The following LUZP2 variants were observed in gnomAD, a reference collection of about 807,000 sequenced individuals.
LUZP2 encodes the protein leucine zipper protein 2.
A neutral mutation model predicts 51.6 loss-of-function variants in LUZP2; 52 were observed. That is an observed-to-expected ratio of 1.01 (90% CI 0.81 to 1.27). LUZP2 has a LOEUF of 1.27. LUZP2 is among the 50% of genes most tolerant of loss of function. The pLI, the probability that LUZP2 is intolerant of heterozygous loss-of-function variation, is 0.00. For synonymous variants in LUZP2, 154 were observed against 137.3 expected (o/e 1.12, Z -0.85); for missense variants, 436 against 395.4 (o/e 1.10, Z -0.87).
intron 9 of LUZP2, among the ~76,000 whole-genome samples, chr11:25,010,586 C>T (rs992513540): frequency 6.8e-6 from 1 of 146,612 alleles, no homozygotes; most frequent in Non-Finnish European, 1.5e-5. Flanking sequence ...GTGGCTCACA[C>T]GTGTAATCAC....
chr11:24,968,147 C>G (rs967025455), intron 7 of LUZP2, among the ~76,000 whole-genome samples: 2 of 152,066 alleles, frequency 1.3e-5, no homozygotes, highest in African/African-American at 4.8e-5. Context: ...GTGTCCCCAC[C>G]CCTCCCAAGT....
chr11:24,641,004 GATATAGATATA>G (rs2133945047), intron 1 of LUZP2, among the ~76,000 whole-genome samples: 1 of 100,242 alleles, frequency 1.0e-5, no homozygotes, highest in African/African-American at 4.6e-5. Context: ...TATAGATATA[GATATAGATATA>G]TATTTCACTT....
At chr11:24,577,823 G>A (rs1852706163) in intron 1 of LUZP2, among the ~76,000 whole-genome samples, 1 of 152,070 alleles carries the variant, frequency 6.6e-6, no homozygotes, top group South Asian at 2.1e-4. Context: ...TCATGGTCAT[G>A]CTGTGATTAT....
chr11:24,974,178 C>T (rs1173597322), intron 7 of LUZP2, among the ~76,000 whole-genome samples: 1 of 151,982 alleles, frequency 6.6e-6, no homozygotes, highest in African/African-American at 2.4e-5. Flanking sequence ...AAACTTTTAC[C>T]ATTATGTAAT....
intron 7 of LUZP2, among the ~76,000 whole-genome samples, chr11:24,962,410 C>T (rs1022023878): frequency 8.5e-5 from 13 of 152,298 alleles, no homozygotes; most frequent in Non-Finnish European, 1.3e-4. Context: ...ACCAATCAGA[C>T]GTAGATTTGG....
intron 7 of LUZP2, among the ~76,000 whole-genome samples, chr11:24,973,074 T>TTTA (rs1463503662): frequency 6.7e-5 from 10 of 149,728 alleles, no homozygotes; most frequent in Admixed American, 4.0e-4. Flanking sequence ...TTTTTTTTTT[T>TTTA]AAATTTTTGG....
At chr11:24,993,950 TC>T (rs367692323) in intron 9 of LUZP2, among the ~76,000 whole-genome samples, 6 of 152,100 alleles carry the variant, frequency 3.9e-5, no homozygotes, top group African/African-American at 1.4e-4. Context: ...AGCCTCCGCC[TC>T]CGGGGTTCAA....
At chr11:24,629,394 G>T (rs1236572917) in intron 1 of LUZP2, among the ~76,000 whole-genome samples, 1 of 150,920 alleles carries the variant, frequency 6.6e-6, no homozygotes, top group Non-Finnish European at 1.5e-5. Flanking sequence ...CATTTATATT[G>T]CTGTAAAATA....
At chr11:24,827,069 A>G (rs1850565477) in intron 5 of LUZP2, among the ~76,000 whole-genome samples, 1 of 130,094 alleles carries the variant, frequency 7.7e-6, no homozygotes, top group Non-Finnish European at 1.7e-5. Flanking sequence ...ATAAGGATAC[A>G]GCTATGCAAA....
intron 1 of LUZP2, among the ~76,000 whole-genome samples, chr11:24,624,193 A>G (rs1023416094): frequency 4.6e-5 from 7 of 152,236 alleles, no homozygotes; most frequent in Non-Finnish European, 2.9e-5. Context: ...TCACAATGCC[A>G]GAATTTCAGA....
chr11:24,831,160 G>A lies in LUZP2; in HGVS notation c.396+67852G>A, dbSNP rs753094029. Among the ~76,000 whole-genome samples the A allele has an allele frequency of 5.3e-5, 8 of 152,236 alleles. No individual in the cohort carries two copies. The East Asian group carries it at 7.7e-4, about 15-fold the overall frequency. Reference sequence around the variant, plus strand: ...GACTATCTAGCAGTTATCGTATTACGTTGACCTTGTTTATTTATCATCTCT... The same window carrying A: ...GACTATCTAGCAGTTATCGTATTACATTGACCTTGTTTATTTATCATCTCT... On this transcript the variant is annotated intron_variant, in intron 5 of 11. Coordinates refer to ENST00000336930, the MANE Select transcript of LUZP2 (RefSeq NM_001009909.4).
intron 1 of LUZP2, among the ~76,000 whole-genome samples, chr11:24,553,638 G>T (rs192360898): frequency 1.3e-5 from 2 of 152,140 alleles, no homozygotes; most frequent in East Asian, 1.9e-4. Flanking sequence ...AAATAGGACC[G>T]TTCTCTCTTC....
chr11:24,851,812 T>C (rs1454132758), intron 5 of LUZP2, among the ~76,000 whole-genome samples: 1 of 152,186 alleles, frequency 6.6e-6, no homozygotes, highest in Non-Finnish European at 1.5e-5. Flanking sequence ...ATTGGTCTAT[T>C]CAGGGATTTG....
intron 7 of LUZP2, among the ~76,000 whole-genome samples, chr11:24,925,730 T>A (rs1421406211): frequency 1.3e-5 from 2 of 152,018 alleles, no homozygotes; most frequent in Admixed American, 6.6e-5. Context: ...TTATTTTAAT[T>A]ATTTTTTTAA....
At chr11:25,063,336 CCAGCTGATATTGAGGGAT>C in intron 10 of LUZP2, among the ~76,000 whole-genome samples, 1 of 151,460 alleles carries the variant, frequency 6.6e-6, no homozygotes, top group Non-Finnish European at 1.5e-5. Context: ...GAAGAAATCT[CCAGCTGATATTGAGGGAT>C]GTCTGTACAC....
chr11:24,964,824 A>G (rs2133886660), intron 7 of LUZP2, among the ~76,000 whole-genome samples: 1 of 152,046 alleles, frequency 6.6e-6, no homozygotes, highest in East Asian at 1.9e-4. Context: ...ATTTACCTAG[A>G]TAGTCAATCC....
In LUZP2 at chr11:25,059,761, A is replaced by AG. The variant is rs1858783576; in HGVS notation, c.858+9635dup. On this transcript the variant is annotated intron_variant, in intron 10 of 11. Coordinates refer to ENST00000336930, the MANE Select transcript of LUZP2 (RefSeq NM_001009909.4). Reference sequence around the variant, plus strand: ...GGAGAGGAAAAGAAACAAAGAACTGAGGGGAAAAACTCCAGCAATAAATTC... The same window carrying AG: ...GGAGAGGAAAAGAAACAAAGAACTGAGGGGGAAAAACTCCAGCAATAAATTC... 3.9e-5 allele frequency among the ~76,000 whole-genome samples: 6 copies of AG among 152,284 alleles called. No homozygotes were observed. The South Asian group carries it at 1.2e-3, about 32-fold the overall frequency.
chr11:24,863,173 C>A (rs1960472), intron 5 of LUZP2, among the ~76,000 whole-genome samples: 124,101 of 152,130 alleles, frequency 0.82, 50,857 homozygotes, highest in Middle Eastern at 0.89. Flanking sequence ...TATAGAATGA[C>A]CATAAGGCCC....
intron 1 of LUZP2, among the ~76,000 whole-genome samples, chr11:24,655,669 C>T (rs1855776880): frequency 6.6e-6 from 1 of 152,124 alleles, no homozygotes; most frequent in African/African-American, 2.4e-5. Flanking sequence ...GAAAAGAAAA[C>T]AAATGCGTGG....
Sources: gnomAD v4.1 joint callset for allele counts (sites outside exome capture counted in the v4.1 genomes callset) on GRCh38, gnomAD v4.1.1 for gene constraint, MANE v1.5 for transcripts, NCBI Gene and HGNC (gene_info 2026-07-23, HGNC 2026-07-21) for gene names.